Variants in ZNF17 observed in about 807,000 individuals in gnomAD.
ZNF17 encodes the protein zinc finger protein 17 (HPF3, KOX 10).
Under a neutral mutation model 7.7 loss-of-function variants are expected in ZNF17, and 4 were observed. That is an observed-to-expected ratio of 0.52 (90% CI 0.26 to 1.20). The LOEUF is 1.20. ZNF17 is among the 50% of genes most tolerant of loss of function. ZNF17 has a pLI of 0.14. For missense variants in ZNF17, 738 were observed against 799.5 expected (o/e 0.92, Z 0.93); for synonymous variants, 249 against 258.8 (o/e 0.96, Z 0.36).
intron 2 of ZNF17, among the ~76,000 whole-genome samples, chr19:57,414,374 G>A (rs1054053782): frequency 2.0e-5 from 3 of 149,102 alleles, no homozygotes; most frequent in African/African-American, 2.5e-5. Context: ...TAACTCTGTC[G>A]CCCAGGCGGG....
chr19:57,420,783 A>G lies in ZNF17; in HGVS notation c.1297A>G (p.Ile433Val). ...KFFMDTSTLI[I>V]HQRVHTGEKP... is the part of the protein sequence containing the mutation. ...CTTTATGGACACTTCCACACTCATT[A>G]TTCATCAGAGAGTTCATACTGGAGA... Residue 433 changes from isoleucine to valine, a missense_variant, in exon 4 of 4, where the codon ATT (isoleucine) becomes GTT (valine). Transcript: ENST00000307658. The G allele has an allele frequency of 6.2e-7, 1 of 1,614,162 alleles. No homozygotes were observed. The highest frequency in any genetic ancestry group is 1.7e-5 in the Admixed American group (1 of 60,018).
In ZNF17 at chr19:57,421,575, T is replaced by A; in HGVS notation, c.*94T>A. On this transcript the variant is annotated 3_prime_UTR_variant, in exon 4 of 4. Coordinates refer to ENST00000307658, the MANE Select transcript of ZNF17 (RefSeq NM_001330617.2). Reference sequence around the variant, plus strand: ...CTACGTTTTAAAAAAAGTATTCTTGTAGAATACAGATAACATAAAATCTAA... The same window carrying A: ...CTACGTTTTAAAAAAAGTATTCTTGAAGAATACAGATAACATAAAATCTAA... 7.5e-7 allele frequency: 1 copy of A among 1,330,728 alleles called. No homozygotes were observed. The highest frequency in any genetic ancestry group is 1.0e-6 in the Non-Finnish European group (1 of 975,876). The allele number at this position is 1,330,728 out of a possible 1,614,324, so 82.4% of individuals were successfully genotyped here.
Position 57,411,394 on chromosome 19 carries a change from G to T in ZNF17, c.-33G>T, listed in dbSNP as rs1287264301. The T allele has an allele frequency of 6.2e-7, 1 of 1,612,348 alleles. No homozygotes were observed. The highest frequency in any genetic ancestry group is 8.5e-7 in the Non-Finnish European group (1 of 1,179,616). On this transcript the variant is annotated 5_prime_UTR_variant, in exon 1 of 4. It removes an upstream start codon present in the reference 5' UTR. Transcript: ENST00000307658. ...CTGTGCTGGCGGAGGCTGCGCCGAT[G>T]AACCTGACTGAGGTGGGTGCCGCGT...
Position 57,419,647 on chromosome 19 carries a change from G to T in ZNF17, c.161G>T (p.Gly54Val). The T allele has an allele frequency of 6.2e-7, 1 of 1,611,570 alleles. No individual in the cohort carries two copies. Reference protein sequence around the residue: ...ALLSSVGCWHGAKDEEAPSKQ... With the variant: ...ALLSSVGCWHVAKDEEAPSKQ... ...ATTTCTGTTTTAGGTTGTTGGCATG[G>T]AGCCAAGGATGAGGAGGCACCTTCC... The change falls in exon 4 of 4, where the codon GGA becomes GTA. Residue 54 changes from glycine to valine, a missense_variant. Gly to Val is a moderately radical substitution (Grantham distance 109). Transcript: ENST00000307658.
rs1056245318 is a variant in ZNF17, at chr19:57,411,217, T to C, written c.-210T>C. On this transcript the variant is annotated 5_prime_UTR_variant, in exon 1 of 4. Coordinates refer to ENST00000307658, the MANE Select transcript of ZNF17 (RefSeq NM_001330617.2). ...CGTTGGGATCTGTTCACCTTCAGGC[T>C]GAGTCGAGACTGAGGTGAAAAAGCG... The C allele has an allele frequency of 1.1e-6, 1 of 869,728 alleles. No individual in the cohort carries two copies. The allele number at this position is 869,728 out of a possible 1,614,324, so 53.9% of individuals were successfully genotyped here. A position where few individuals can be genotyped will look rare whatever the true frequency, so the allele number is the denominator to read the frequency against.
chr19:57,414,405 G>C (rs997685069), intron 2 of ZNF17, among the ~76,000 whole-genome samples: 1 of 151,516 alleles, frequency 6.6e-6, no homozygotes, highest in African/African-American at 2.4e-5. Context: ...TGTGATCTCG[G>C]ATCATTGCGA....
chr19:57,418,436 T>A (rs1275114030), intron 3 of ZNF17, among the ~76,000 whole-genome samples: 3 of 152,108 alleles, frequency 2.0e-5, no homozygotes, highest in African/African-American at 7.2e-5. Flanking sequence ...GTGAGGACTG[T>A]GGGCTTATTT....
At position 57,420,105 on chromosome 19, in the gene ZNF17, CTGTT is replaced by C. The variant is rs1355544767; in HGVS notation, c.622_625del (p.Phe208SerfsTer251). On this transcript the variant is annotated frameshift_variant, in exon 4 of 4. Transcript: ENST00000307658. LOFTEE classifies it low-confidence loss of function (END_TRUNC). The stretch of plus-strand genomic sequence containing the variant: ...GAAAGACTTTTGCCACCAACATACA[CTGTT>C]TGAGCACCAGAAAATCCACACAGAG... 12 of 1,614,252 alleles carry C rather than the reference CTGTT, an allele frequency of 7.4e-6. No homozygotes were observed. Among genetic ancestry groups the C allele is most frequent in the African/African-American group, 1.3e-5 (1 of 75,064 alleles).
rs544311390 is a variant in ZNF17, at chr19:57,421,890, C to T, written c.*409C>T. The T allele has an allele frequency of 1.7e-4, 27 of 157,972 alleles. No individual in the cohort carries two copies. Among genetic ancestry groups the T allele is most frequent in the Non-Finnish European group, 3.1e-4 (22 of 72,034 alleles). The allele number at this position is 157,972 out of a possible 1,614,324, so 9.8% of individuals were successfully genotyped here. ...GTTCTAATCCATTAGAATTTCCATC[C>T]TTTTTAAAGGCTGAATAAAATTCTG... On this transcript the variant is annotated 3_prime_UTR_variant, in exon 4 of 4. Transcript: ENST00000307658.
rs747434216 is a variant in ZNF17, at chr19:57,419,902, A to G, written c.416A>G (p.Asn139Ser). ...RSDEGRPSFV[N>S]DSVHLAKRNL... is the part of the protein sequence containing the mutation. ...GATGAAGGGAGGCCTTCGTTTGTGA[A>G]TGACAGTGTTCACCTGGCAAAGAGG... The change falls in exon 4 of 4, where the codon AAT becomes AGT. Residue 139 changes from asparagine to serine, a missense_variant. Coordinates refer to ENST00000307658, the MANE Select transcript of ZNF17 (RefSeq NM_001330617.2). 4.3e-6 allele frequency: 7 copies of G among 1,614,222 alleles called. No homozygotes were observed. The highest frequency in any genetic ancestry group is 1.6e-4 in the Middle Eastern group (1 of 6,062).
intron 2 of ZNF17, among the ~76,000 whole-genome samples, chr19:57,414,510 T>C (rs1215060523): frequency 1.3e-5 from 2 of 151,550 alleles, no homozygotes; most frequent in Admixed American, 6.6e-5. Flanking sequence ...AATTTTTGTA[T>C]TTTTAGTAGA....
chr19:57,415,580 G>A (rs2123064516), intron 2 of ZNF17, among the ~76,000 whole-genome samples: 1 of 152,226 alleles, frequency 6.6e-6, no homozygotes, highest in East Asian at 1.9e-4. Flanking sequence ...AGAAGGAAGG[G>A]GAAGGAAGGG....
At chr19:57,412,749 T>C (rs551891921) in intron 1 of ZNF17, among the ~76,000 whole-genome samples, 2 of 152,204 alleles carry the variant, frequency 1.3e-5, no homozygotes, top group African/African-American at 4.8e-5. Flanking sequence ...CGGCCGAATG[T>C]ATAAAACATT....
In ZNF17 at chr19:57,421,365, C is replaced by T. The variant is rs373738061; in HGVS notation, c.1879C>T (p.Leu627Phe). The change falls in exon 4 of 4, where the codon CTC becomes TTC. Residue 627 changes from leucine to phenylalanine, a missense_variant. By Grantham distance (22) the Leu-to-Phe change is conservative. Coordinates refer to ENST00000307658, the MANE Select transcript of ZNF17 (RefSeq NM_001330617.2). ...CGKVFRYNSS[L>F]IKHRRIHTGE... ...GAAAGTCTTTAGATACAACTCCAGC[C>T]TCATTAAACATCGGAGAATTCACAC... The T allele has an allele frequency of 3.7e-6, 6 of 1,614,034 alleles. No individual in the cohort carries two copies. The highest frequency in any genetic ancestry group is 2.7e-5 in the African/African-American group (2 of 74,910).
chr19:57,413,338 G>A (rs2088790542), intron 1 of ZNF17: 1 of 411,762 alleles, frequency 2.4e-6, no homozygotes, highest in African/African-American at 2.0e-5. Context: ...GAAAGAAATT[G>A]CTGATACATA....
At position 57,411,243 on chromosome 19, in the gene ZNF17, G is replaced by A; in HGVS notation, c.-184G>A. On this transcript the variant is annotated 5_prime_UTR_variant, in exon 1 of 4. Coordinates refer to ENST00000307658, the MANE Select transcript of ZNF17 (RefSeq NM_001330617.2). ...GAGTCGAGACTGAGGTGAAAAAGCGGAAAAACGCGAGAAAAGGTTTCCCCG... is the reference window on the plus strand; with the variant it reads ...GAGTCGAGACTGAGGTGAAAAAGCGAAAAAACGCGAGAAAAGGTTTCCCCG... The A allele has an allele frequency of 8.3e-7, 1 of 1,200,390 alleles. No individual in the cohort carries two copies. 74.4% of individuals were successfully genotyped at this position (1,200,390 alleles called of 1,614,324 possible). A position where few individuals can be genotyped will look rare whatever the true frequency, so the allele number is the denominator to read the frequency against.
rs59864268 is a variant in ZNF17 at position 57,411,169 on chromosome 19, T to C, written c.-258T>C. 4,078 of 580,174 alleles carry C rather than the reference T, an allele frequency of 7.0e-3. 133 individuals carry two copies. Among genetic ancestry groups the C allele is most frequent in the African/African-American group, 0.068 (3,614 of 53,128 alleles). 35.9% of individuals were successfully genotyped at this position (580,174 alleles called of 1,614,324 possible). A position where few individuals can be genotyped will look rare whatever the true frequency, so the allele number is the denominator to read the frequency against. On this transcript the variant is annotated 5_prime_UTR_variant, in exon 1 of 4. Coordinates refer to ENST00000307658, the MANE Select transcript of ZNF17 (RefSeq NM_001330617.2). The stretch of plus-strand genomic sequence containing the variant: ...TGTGGGCGGGACTTCCTGCAACGCC[T>C]CCTGGGGTTGTCAATATGGCTGCGT...
chr19:57,414,814 C>A (rs2088801588), intron 2 of ZNF17, among the ~76,000 whole-genome samples: 1 of 148,156 alleles, frequency 6.7e-6, no homozygotes, highest in Admixed American at 6.7e-5. Context: ...GGGTTCACGC[C>A]ATTCTCCTGC....
At chr19:57,412,837 G>C (rs2123060750) in intron 1 of ZNF17, among the ~76,000 whole-genome samples, 1 of 151,956 alleles carries the variant, frequency 6.6e-6, no homozygotes, top group South Asian at 2.1e-4. Context: ...GTAACCAATA[G>C]TTAAATTTAT....
Sources: allele counts gnomAD v4.1 joint callset (sites outside exome capture counted in the v4.1 genomes callset), GRCh38; gene constraint gnomAD v4.1.1; transcripts MANE v1.5; gene names NCBI Gene and HGNC (gene_info 2026-07-23, HGNC 2026-07-21).